Variants in LRRC7 observed in about 807,000 individuals in gnomAD.
The protein encoded by LRRC7 is leucine-rich repeat-containing protein 7.
A neutral mutation model predicts 175.7 loss-of-function variants in LRRC7; 23 were observed. The ratio of observed to expected loss-of-function variants is 0.13; its 90% confidence interval spans 0.09 to 0.19. The LOEUF is 0.19. Ranked by LOEUF, LRRC7 falls within the 10% of genes least tolerant of loss-of-function variation. LRRC7 has a pLI of 1.00. For synonymous variants in LRRC7, 685 were observed against 680.9 expected (o/e 1.01, Z -0.09); for missense variants, 1,354 against 1,904.7 (o/e 0.71, Z 5.38).
At chr1:69,655,561 T>A (rs749172012) in intron 1 of LRRC7, among the ~76,000 whole-genome samples, 12 of 152,078 alleles carry the variant, frequency 7.9e-5, no homozygotes, top group Non-Finnish European at 1.3e-4. Context: ...TTGGCTTACA[T>A]CATTTTAGCT....
intron 25 of LRRC7, among the ~76,000 whole-genome samples, chr1:70,107,200 A>T (rs1463227297): frequency 6.6e-6 from 1 of 152,214 alleles, no homozygotes; most frequent in East Asian, 1.9e-4. Context: ...TTTAAAATGC[A>T]TGTTCCAGTT....
intron 17 of LRRC7, among the ~76,000 whole-genome samples, chr1:70,027,573 T>A (rs1163972733): frequency 1.3e-5 from 2 of 152,124 alleles, no homozygotes; most frequent in African/African-American, 2.4e-5. Context: ...AAAGTAAATA[T>A]AAAAACCACC....
At chr1:69,960,212 G>A (rs1244469856) in intron 8 of LRRC7, among the ~76,000 whole-genome samples, 1 of 151,942 alleles carries the variant, frequency 6.6e-6, no homozygotes, top group Admixed American at 6.6e-5. Flanking sequence ...TCAGTCTTGG[G>A]GGATGGTGTA....
intron 24 of LRRC7, among the ~76,000 whole-genome samples, chr1:70,080,959 A>C (rs190846832): frequency 9.2e-5 from 14 of 152,328 alleles, no homozygotes; most frequent in Admixed American, 9.2e-4. Context: ...TAAAGATCCC[A>C]TCCACCTTAT....
Position 69,781,739 on chromosome 1 carries a change from G to A in LRRC7, c.304-10304G>A, listed in dbSNP as rs868228045. 1.9e-3 allele frequency among the ~76,000 whole-genome samples: 79 copies of A among 41,294 alleles called. 3 individuals are homozygous for A. Among genetic ancestry groups the A allele is most frequent in the African/African-American group, 2.9e-3 (19 of 6,602 alleles). The allele number at this position is 41,294 out of a possible 152,430, so 27.1% of individuals were successfully genotyped here. On this transcript the variant is annotated intron_variant, in intron 3 of 26. Coordinates refer to ENST00000651989, the MANE Select transcript of LRRC7 (RefSeq NM_001370785.2). ...AGAAAGAAAGAAAGAAAGAAAGAGA[G>A]AGAGAGAGAGAGAGAGAGAGAGAGA...
intron 2 of LRRC7, among the ~76,000 whole-genome samples, chr1:69,752,998 G>T (rs879647692): frequency 6.6e-6 from 1 of 152,108 alleles, no homozygotes; most frequent in Non-Finnish European, 1.5e-5. Context: ...ACTGACTCAA[G>T]TCCAAATACT....
chr1:69,991,167 A>C (rs980368487), intron 10 of LRRC7, among the ~76,000 whole-genome samples: 14 of 152,070 alleles, frequency 9.2e-5, no homozygotes, highest in South Asian at 2.1e-4. Context: ...AAAAAAAAAA[A>C]AAACAAACTG....
At chr1:69,638,348 TG>T (rs1414782605) in intron 1 of LRRC7, among the ~76,000 whole-genome samples, 3 of 151,870 alleles carry the variant, frequency 2.0e-5, no homozygotes, top group African/African-American at 7.2e-5. Flanking sequence ...TACTTCTGTT[TG>T]ATACGTCATG....
intron 4 of LRRC7, among the ~76,000 whole-genome samples, chr1:69,802,698 C>T (rs980154269): frequency 1.3e-5 from 2 of 151,218 alleles, no homozygotes; most frequent in African/African-American, 4.8e-5. Context: ...TTTAAAGGAA[C>T]ATTTGATTCA....
At position 70,132,293 on chromosome 1, in the gene LRRC7, A is replaced by T. The variant is rs570517495; in HGVS notation, c.*10406A>T. 6.6e-6 allele frequency: 1 copy of T among 152,166 alleles called. No homozygotes were observed. Among genetic ancestry groups the T allele is most frequent in the Admixed American group, 6.5e-5 (1 of 15,272 alleles). 9.4% of individuals were successfully genotyped at this position (152,166 alleles called of 1,614,324 possible). ...GAATTTACAGTGAAAAATAAGGTGC[A>T]TATTAGAAATATATTTAGTTTAATT... On this transcript the variant is annotated 3_prime_UTR_variant, in exon 27 of 27. Transcript: ENST00000651989.
At chr1:70,059,611 A>AT (rs1369526847) in intron 23 of LRRC7, among the ~76,000 whole-genome samples, 1 of 150,250 alleles carries the variant, frequency 6.7e-6, no homozygotes, top group African/African-American at 2.5e-5. Flanking sequence ...TTTTTTAAAG[A>AT]TTTTTTTATT....
chr1:69,857,894 T>A (rs1347341458), intron 7 of LRRC7, among the ~76,000 whole-genome samples: 2 of 152,280 alleles, frequency 1.3e-5, no homozygotes, highest in East Asian at 3.9e-4. Flanking sequence ...AACAGCATGG[T>A]ACTCGTACCA....
intron 4 of LRRC7, among the ~76,000 whole-genome samples, chr1:69,811,942 A>G (rs1677935440): frequency 6.6e-6 from 1 of 152,140 alleles, no homozygotes; most frequent in Admixed American, 6.6e-5. Flanking sequence ...AAAAAAGAGT[A>G]CAAAGACTAT....
chr1:69,726,499 A>C (rs1666993528), intron 2 of LRRC7, among the ~76,000 whole-genome samples: 1 of 152,208 alleles, frequency 6.6e-6, no homozygotes, highest in Non-Finnish European at 1.5e-5. Context: ...TTATGGAAGA[A>C]GGTAGAGAGA....
intron 3 of LRRC7, among the ~76,000 whole-genome samples, chr1:69,783,231 G>A (rs961105257): frequency 6.6e-6 from 1 of 152,098 alleles, no homozygotes; most frequent in African/African-American, 2.4e-5. Context: ...AAACATGGTT[G>A]AAGTGTTTCT....
chr1:69,826,254 A>G (rs151104678), intron 5 of LRRC7, among the ~76,000 whole-genome samples: 3 of 152,284 alleles, frequency 2.0e-5, no homozygotes, highest in Non-Finnish European at 4.4e-5. Flanking sequence ...AAGTATGACC[A>G]GAAATAGAAA....
chr1:69,659,917 G>T (rs1232481954), intron 1 of LRRC7, among the ~76,000 whole-genome samples: 2 of 151,516 alleles, frequency 1.3e-5, no homozygotes, highest in African/African-American at 2.4e-5. Flanking sequence ...AAAGCAAAAT[G>T]CAAAATCTGT....
intron 1 of LRRC7, among the ~76,000 whole-genome samples, chr1:69,621,565 T>C (rs1049963890): frequency 1.1e-4 from 17 of 152,196 alleles, no homozygotes; most frequent in African/African-American, 3.4e-4. Flanking sequence ...ATCATAGTTG[T>C]TTAATAATCA....
intron 1 of LRRC7, among the ~76,000 whole-genome samples, chr1:69,606,630 A>G (rs1569878603): frequency 6.6e-6 from 1 of 152,116 alleles, no homozygotes; most frequent in Non-Finnish European, 1.5e-5. Context: ...CCAAAGGAAA[A>G]ATAAACCTAG....
Sources: gnomAD v4.1 joint callset for allele counts (sites outside exome capture counted in the v4.1 genomes callset) on GRCh38, gnomAD v4.1.1 for gene constraint, MANE v1.5 for transcripts, NCBI Gene and HGNC (gene_info 2026-07-23, HGNC 2026-07-21) for gene names.